The following PELI2 variants were observed in gnomAD, a reference collection of about 807,000 sequenced individuals.
PELI2 encodes E3 ubiquitin-protein ligase pellino homolog 2.
In PELI2, 23 loss-of-function variants were observed where a neutral mutation model predicts 42.3. The observed-to-expected ratio is 0.54, with a 90% CI of 0.39 to 0.77. The LOEUF (loss-of-function observed/expected upper bound fraction) is 0.77. Ranked by LOEUF, PELI2 falls within the 30% of genes least tolerant of loss-of-function variation. The probability of loss-of-function intolerance (pLI) is 0.00; values close to 1 mark genes in which losing one functional copy is unlikely to be tolerated. For synonymous variants in PELI2, 245 were observed against 212.2 expected, an observed-to-expected ratio of 1.15 and a Z score of -1.34; for missense variants, 463 against 553.2, an observed-to-expected ratio of 0.84 and a Z score of 1.64.
At chr14:56,126,522 T>G (rs1453293147) in intron 1 of PELI2, among the ~76,000 whole-genome samples, 1 of 152,222 alleles carries the variant, frequency 6.6e-6, no homozygotes, top group Admixed American at 6.5e-5. Flanking sequence ...TAGTACTGGT[T>G]TAACAGAATT....
At chr14:56,295,379 C>G (rs1429306444) in intron 5 of PELI2, among the ~76,000 whole-genome samples, 2 of 152,058 alleles carry the variant, frequency 1.3e-5, no homozygotes, top group Non-Finnish European at 2.9e-5. Flanking sequence ...CTGCGTCCAT[C>G]CTTGTTCAGC....
rs755341026 is a variant in PELI2, at chr14:56,170,817, A to G, written c.78-7518A>G. ...CCCAAATACCCTTACTGTAAAGACC[A>G]ACTGTTTGCTCTGCATATATGAAGA... On this transcript the variant is annotated intron_variant, in intron 1 of 5. Coordinates refer to ENST00000267460, the MANE Select transcript of PELI2 (RefSeq NM_021255.3). Among the ~76,000 whole-genome samples the G allele has an allele frequency of 9.2e-5, 14 of 152,292 alleles. 1 individual carries two copies. The South Asian group carries it at 1.4e-3, about 16-fold the overall frequency.
Position 56,149,341 on chromosome 14 carries a change from C to T in PELI2, c.78-28994C>T, listed in dbSNP as rs78224115. Among the ~76,000 whole-genome samples, 960 of 152,258 alleles carry T rather than the reference C, an allele frequency of 6.3e-3. 9 individuals are homozygous for T. The highest frequency in any genetic ancestry group is 0.022 in the African/African-American group (925 of 41,558). ...CCTGTTTAACTTTCTTCTTATGCAT[C>T]GTTCTGCTTTATGTATTCTGGTAAG... is the stretch of plus-strand genomic sequence containing the variant. On this transcript the variant is annotated intron_variant, in intron 1 of 5. Transcript: ENST00000267460.
At chr14:56,168,281 G>A (rs756261298) in intron 1 of PELI2, among the ~76,000 whole-genome samples, 27 of 152,182 alleles carry the variant, frequency 1.8e-4, no homozygotes, top group Non-Finnish European at 2.1e-4. Context: ...CCAGACCCTG[G>A]GTGGGTCCAA....
chr14:56,119,175 C>G (rs1882968426), intron 1 of PELI2: 1 of 152,014 alleles, frequency 6.6e-6, no homozygotes, highest in South Asian at 2.1e-4. Context: ...CCGGCCGGCG[C>G]GGAGCCCCGT....
At chr14:56,277,293 A>C (rs1889328072) in intron 2 of PELI2, among the ~76,000 whole-genome samples, 1 of 152,066 alleles carries the variant, frequency 6.6e-6, no homozygotes, top group African/African-American at 2.4e-5. Flanking sequence ...GCCTCCTGTC[A>C]GATCAGCGGT....
intron 2 of PELI2, among the ~76,000 whole-genome samples, chr14:56,279,231 T>A (rs1472087007): frequency 6.6e-6 from 1 of 152,182 alleles, no homozygotes; most frequent in African/African-American, 2.4e-5. Context: ...TGACAGATTT[T>A]CCAGTGATTC....
intron 1 of PELI2, among the ~76,000 whole-genome samples, chr14:56,137,473 C>A (rs1883726000): frequency 6.6e-6 from 1 of 152,188 alleles, no homozygotes; most frequent in South Asian, 2.1e-4. Context: ...TGACGGTACT[C>A]TGACCCTGGT....
chr14:56,145,462 C>T (rs1216621013), intron 1 of PELI2, among the ~76,000 whole-genome samples: 1 of 152,154 alleles, frequency 6.6e-6, no homozygotes. Flanking sequence ...TGAAATAGTT[C>T]AGTGAATGAC....
intron 1 of PELI2, among the ~76,000 whole-genome samples, chr14:56,120,127 C>G (rs953700455): frequency 5.9e-5 from 9 of 152,144 alleles, no homozygotes; most frequent in Non-Finnish European, 7.3e-5. Context: ...GTTTTTCTCA[C>G]CTACATCTTA....
chr14:56,281,015 A>T (rs1402930765), intron 3 of PELI2, among the ~76,000 whole-genome samples: 1 of 152,150 alleles, frequency 6.6e-6, no homozygotes, highest in East Asian at 1.9e-4. Context: ...TAATTGGAAA[A>T]TATTAAATAA....
At position 56,301,228 on chromosome 14, in the gene PELI2, A is replaced by G. The variant is rs1045417746; in HGVS notation, c.*4062A>G. The G allele has an allele frequency of 1.3e-5, 2 of 152,642 alleles. No homozygotes were observed. The highest frequency in any genetic ancestry group is 4.8e-5 in the African/African-American group (2 of 41,446). 9.5% of individuals were successfully genotyped at this position (152,642 alleles called of 1,614,324 possible). Reference sequence around the variant, plus strand: ...GTCAAATTGAAAAGTTTATTTCTTCACTATTGTACCTGTGGAAATACAAGC... The same window carrying G: ...GTCAAATTGAAAAGTTTATTTCTTCGCTATTGTACCTGTGGAAATACAAGC... On this transcript the variant is annotated 3_prime_UTR_variant, in exon 6 of 6. Coordinates refer to ENST00000267460, the MANE Select transcript of PELI2 (RefSeq NM_021255.3).
At chr14:56,274,323 T>G (rs920095172) in intron 2 of PELI2, among the ~76,000 whole-genome samples, 2 of 152,242 alleles carry the variant, frequency 1.3e-5, no homozygotes, top group Non-Finnish European at 2.9e-5. Flanking sequence ...GGCTAAATCA[T>G]AACTATAATA....
intron 5 of PELI2, 73 bp downstream of exon 5, chr14:56,290,529 C>A: frequency 8.5e-7 from 1 of 1,175,166 alleles, no homozygotes; most frequent in Non-Finnish European, 1.2e-6. Flanking sequence ...TCATTTTCCT[C>A]CCCTGATGTT....
intron 2 of PELI2, among the ~76,000 whole-genome samples, chr14:56,232,589 G>C (rs1380044974): frequency 6.6e-6 from 1 of 151,920 alleles, no homozygotes; most frequent in Non-Finnish European, 1.5e-5. Context: ...CAATAAACTA[G>C]GTATCAACGG....
chr14:56,227,588 A>C (rs1253571066), intron 2 of PELI2, among the ~76,000 whole-genome samples: 2 of 151,164 alleles, frequency 1.3e-5, no homozygotes, highest in Non-Finnish European at 2.9e-5. Context: ...GCAAATATGA[A>C]TATATGTGTA....
intron 2 of PELI2, among the ~76,000 whole-genome samples, chr14:56,275,233 A>G (rs1889250020): frequency 1.3e-5 from 2 of 152,058 alleles, no homozygotes; most frequent in East Asian, 3.9e-4. Context: ...TGCCCAATAG[A>G]GAAGTGAATA....
chr14:56,258,344 A>C (rs544242830), intron 2 of PELI2, among the ~76,000 whole-genome samples: 2 of 152,080 alleles, frequency 1.3e-5, no homozygotes, highest in Non-Finnish European at 2.9e-5. Context: ...AAAAATTACC[A>C]GAAACTCATG....
chr14:56,179,146 T>C (rs1365962009), intron 2 of PELI2, among the ~76,000 whole-genome samples: 3 of 152,354 alleles, frequency 2.0e-5, no homozygotes, highest in East Asian at 1.9e-4. Flanking sequence ...CCAATTGATA[T>C]ATGTTACATA....
Sources: allele counts gnomAD v4.1 joint callset (sites outside exome capture counted in the v4.1 genomes callset), GRCh38; gene constraint gnomAD v4.1.1; transcripts MANE v1.5; gene names NCBI Gene and HGNC (gene_info 2026-07-23, HGNC 2026-07-21).